The following CDHR3 variants were observed in gnomAD, a reference collection of about 807,000 sequenced individuals.
The protein encoded by CDHR3 is cadherin related family member 3.
Under a neutral mutation model 86.6 loss-of-function variants are expected in CDHR3, and 79 were observed. The observed-to-expected ratio is 0.91, with a 90% confidence interval of 0.76 to 1.10. The LOEUF (loss-of-function observed/expected upper bound fraction) is 1.10. Among genes scored for constraint, CDHR3 ranks in the 50% least tolerant of loss-of-function variants. The pLI, the probability that CDHR3 is intolerant of heterozygous loss-of-function variation, is 0.00. For missense variants in CDHR3, 1,081 were observed against 1,077.6 expected (o/e 1.00, Z -0.04); for synonymous variants, 421 against 402.4 (o/e 1.05, Z -0.55).
In CDHR3 at chr7:105,988,949, C is replaced by T. The variant is rs74689036; in HGVS notation, c.513+4660C>T. Among the ~76,000 whole-genome samples, 585 of 152,298 alleles carry T rather than the reference C, an allele frequency of 3.8e-3. 3 individuals are homozygous for T. Among genetic ancestry groups the T allele is most frequent in the African/African-American group, 0.014 (567 of 41,568 alleles). ...GTGTCCAAACTCAGTGTGCATTTTA[C>T]ACTTACAGATCATCTCCGTGCAGAC... On this transcript the variant is annotated intron_variant, in intron 4 of 18. Coordinates refer to ENST00000317716, the MANE Select transcript of CDHR3 (RefSeq NM_152750.5).
rs200639930 is a variant in CDHR3, at chr7:106,022,251, C to G, written c.1879C>G (p.Arg627Gly). The G allele has an allele frequency of 2.5e-6, 4 of 1,614,054 alleles. No individual in the cohort carries two copies. The South Asian group carries it at 3.3e-5, about 13-fold the overall frequency. ...FSPNAGSNVT[R>G]LLLTSRFDYA... is the part of the protein sequence containing the mutation. ...TCCCAATGCTGGTTCCAATGTCACA[C>G]GCCTGCTGCTTACATCTCGCTTTGA... is the stretch of plus-strand genomic sequence containing the variant. Residue 627 changes from arginine (R) to glycine (G), a missense_variant, in exon 14 of 19, where the codon CGC becomes GGC. By Grantham distance (125) the Arg-to-Gly change is moderately radical. Coordinates refer to ENST00000317716, the MANE Select transcript of CDHR3 (RefSeq NM_152750.5).
chr7:106,001,250 G>A (rs1035836774), intron 6 of CDHR3, among the ~76,000 whole-genome samples: 1 of 152,198 alleles, frequency 6.6e-6, no homozygotes, highest in Non-Finnish European at 1.5e-5. Flanking sequence ...CAATGACAGC[G>A]TGGTACTTTC....
rs199543265 is a variant in CDHR3 at position 105,974,903 on chromosome 7, C to T, written c.106C>T (p.Pro36Ser). Residue 36 changes from proline to serine, a missense_variant, in exon 2 of 19, where the codon CCA (proline) becomes TCA (serine). Pro to Ser is a moderately conservative substitution (Grantham distance 74). Coordinates refer to ENST00000317716, the MANE Select transcript of CDHR3 (RefSeq NM_152750.5). ...TACAGGCAATGTGGCAGAGAATTCT[C>T]CACCTGGGACTTCAGTGCACAAGTT... is the stretch of plus-strand genomic sequence containing the variant. The part of the protein sequence containing the change: ...PATGNVAENS[P>S]PGTSVHKFSV... 460 of 1,613,760 alleles carry T rather than the reference C, an allele frequency of 2.9e-4. No individual in the cohort carries two copies. Among genetic ancestry groups the T allele is most frequent in the Non-Finnish European group, 3.7e-4 (439 of 1,179,820 alleles).
intron 7 of CDHR3, among the ~76,000 whole-genome samples, chr7:106,003,989 C>CAAAAAAAAAAAAAAAAAAAAAAAAAAA (rs55815648): frequency 3.8e-5 from 3 of 79,948 alleles, no homozygotes; most frequent in African/African-American, 9.6e-5. Flanking sequence ...CCAACCTAAC[C>CAAAAAAAAAAAAAAAAAAAAAAAAAAA]AAAAAAAAAA....
chr7:105,986,355 T>G (rs1830522484), intron 4 of CDHR3, among the ~76,000 whole-genome samples: 1 of 152,218 alleles, frequency 6.6e-6, no homozygotes. Flanking sequence ...GGCATCCTAT[T>G]AGATACTTTG....
At position 105,989,927 on chromosome 7, in the gene CDHR3, AG is replaced by A. The variant is rs1469525974; in HGVS notation, c.514-4822del. ...TCCCCTGGTGTCTGCCTGCCAACTC[AG>A]GAGTCAGGAGTCACCACCTGAAGTC... On this transcript the variant is annotated intron_variant, in intron 4 of 18. Coordinates refer to ENST00000317716, the MANE Select transcript of CDHR3 (RefSeq NM_152750.5). Among the ~76,000 whole-genome samples, 191 of 152,218 alleles carry A rather than the reference AG, an allele frequency of 1.3e-3. 1 individual carries two copies. The highest frequency in any genetic ancestry group is 4.4e-3 in the African/African-American group (184 of 41,522).
At chr7:105,988,936 A>T (rs1830917167) in intron 4 of CDHR3, among the ~76,000 whole-genome samples, 1 of 152,228 alleles carries the variant, frequency 6.6e-6, no homozygotes, top group Admixed American at 6.5e-5. Context: ...GTCCAAACTC[A>T]GTGTGCATTT....
chr7:106,003,964 A>G (rs1022235986), intron 7 of CDHR3, among the ~76,000 whole-genome samples: 11 of 150,128 alleles, frequency 7.3e-5, no homozygotes, highest in Non-Finnish European at 1.3e-4. Flanking sequence ...TGCAGGTAAC[A>G]GAAACTAAGG....
chr7:106,020,929 G>A (rs1836468715), intron 13 of CDHR3, among the ~76,000 whole-genome samples: 1 of 152,124 alleles, frequency 6.6e-6, no homozygotes, highest in African/African-American at 2.4e-5. Context: ...CAAGAAAAGG[G>A]TGAACCCCCC....
intron 13 of CDHR3, among the ~76,000 whole-genome samples, chr7:106,021,388 A>G (rs1228499114): frequency 6.6e-6 from 1 of 152,174 alleles, no homozygotes; most frequent in Non-Finnish European, 1.5e-5. Flanking sequence ...CTGCCTCGAG[A>G]CTGCAGTTGC....
intron 8 of CDHR3, 68 bp downstream of exon 8, chr7:106,004,755 C>T: frequency 7.0e-7 from 1 of 1,425,274 alleles, no homozygotes; most frequent in Non-Finnish European, 9.8e-7. Context: ...TTCTGCTTCT[C>T]TGGTATATTC....
Position 105,975,047 on chromosome 7 carries a change from G to A in CDHR3, c.249+1G>A, listed in dbSNP as rs373592532. 2.5e-6 allele frequency: 4 copies of A among 1,612,050 alleles called. No individual in the cohort carries two copies. Among genetic ancestry groups the A allele is most frequent in the Admixed American group, 3.3e-5 (2 of 60,016 alleles). On this transcript the variant is annotated splice_donor_variant, in intron 2 of 18. Coordinates refer to ENST00000317716, the MANE Select transcript of CDHR3 (RefSeq NM_152750.5). LOFTEE classifies it high-confidence loss of function. The stretch of plus-strand genomic sequence containing the variant: ...TTGGCTGTCAGGCACCTACTTTGAG[G>A]TAAGTAACAACTTACCAACATGAGT...
chr7:105,983,275 C>A (rs1032783334), intron 3 of CDHR3, among the ~76,000 whole-genome samples: 3 of 152,078 alleles, frequency 2.0e-5, no homozygotes, highest in Non-Finnish European at 4.4e-5. Context: ...TTGAACGAAG[C>A]ATGAGAGTGA....
chr7:105,964,420 A>G lies in CDHR3; in HGVS notation c.46+1056A>G, dbSNP rs554323093. ...TCCACGTTTGAAAAAATGAACATTT[A>G]TATTCTTCTTCTCCTATGTCTATAG... On this transcript the variant is annotated intron_variant, in intron 1 of 18. Coordinates refer to ENST00000317716, the MANE Select transcript of CDHR3 (RefSeq NM_152750.5). Among the ~76,000 whole-genome samples, 4 of 152,134 alleles carry G rather than the reference A, an allele frequency of 2.6e-5. No homozygotes were observed. The South Asian group carries it at 6.2e-4, about 24-fold the overall frequency.
intron 3 of CDHR3, among the ~76,000 whole-genome samples, chr7:105,982,434 A>C (rs1306416222): frequency 2.1e-5 from 3 of 140,514 alleles, no homozygotes; most frequent in Non-Finnish European, 3.0e-5. Context: ...GCTCCACTGC[A>C]CTCCAGCCTG....
Position 106,032,377 on chromosome 7 carries a change from A to AT in CDHR3, c.2354-7dup, listed in dbSNP as rs201099865. 7.7e-4 allele frequency: 1,204 copies of AT among 1,566,854 alleles called. 5 individuals carry two copies. The African/African-American group carries it at 0.011, about 14-fold the overall frequency. On this transcript the variant is annotated splice_polypyrimidine_tract_variant and intron_variant, in intron 18 of 18. Transcript: ENST00000317716. ...ATTTTCTGGCTTATGTGATTGTTGT[A>AT]TTTTTTTTTCACTAGTGACCGGGGA...
chr7:105,985,752 CTA>C (rs1170561926), intron 4 of CDHR3, among the ~76,000 whole-genome samples: 1 of 152,104 alleles, frequency 6.6e-6, no homozygotes, highest in Non-Finnish European at 1.5e-5. Flanking sequence ...TAATGGGTGT[CTA>C]TGTGTTAAGA....
chr7:106,001,544 G>T lies in CDHR3; in HGVS notation c.796G>T (p.Glu266Ter), dbSNP rs1032030163. The part of the protein sequence containing the change: ...ANITAEDPDD[E>*]GFPSHLLYSI... ...TATCACAGCGGAGGATCCTGATGAT[G>T]AAGGTTTTCCCAGCCACCTCCTCTA... The change falls in exon 7 of 19, where the codon GAA becomes TAA. Residue 266 changes from glutamate to a stop codon, truncating the protein, a stop_gained. Transcript: ENST00000317716. LOFTEE classifies it high-confidence loss of function. The T allele has an allele frequency of 6.2e-7, 1 of 1,613,918 alleles. No individual in the cohort carries two copies. The highest frequency in any genetic ancestry group is 8.5e-7 in the Non-Finnish European group (1 of 1,179,904).
At chr7:105,984,473 T>A (rs1830239303) in intron 4 of CDHR3, among the ~76,000 whole-genome samples, 184 bp downstream of exon 4, 1 of 152,168 alleles carries the variant, frequency 6.6e-6, no homozygotes, top group African/African-American at 2.4e-5. Flanking sequence ...CCAGACACTC[T>A]GGAGTGGATT....
Sources: allele counts gnomAD v4.1 joint callset (sites outside exome capture counted in the v4.1 genomes callset), GRCh38; gene constraint gnomAD v4.1.1; transcripts MANE v1.5; gene names NCBI Gene and HGNC (gene_info 2026-07-23, HGNC 2026-07-21).